Variants in RAB18 observed in about 807,000 individuals in gnomAD.
RAB18 encodes the protein RAB18, member RAS oncogene family.
A neutral mutation model predicts 28.5 loss-of-function variants in RAB18; 10 were observed. The observed-to-expected ratio is 0.35, with a 90% CI of 0.22 to 0.60. The LOEUF (loss-of-function observed/expected upper bound fraction) is 0.60. Among genes scored for constraint, RAB18 ranks in the 20% least tolerant of loss-of-function variants. RAB18 has a pLI of 0.78. For synonymous variants in RAB18, 93 were observed against 86.9 expected (o/e 1.07, Z -0.39); for missense variants, 188 against 244.2 (o/e 0.77, Z 1.53).
chr10:27,518,690 T>C (rs1300577874), intron 2 of RAB18, among the ~76,000 whole-genome samples: 5 of 152,104 alleles, frequency 3.3e-5, no homozygotes, highest in Non-Finnish European at 7.4e-5. Context: ...ATATATGCTT[T>C]GCAAATGTTT....
At position 27,540,357 on chromosome 10, in the gene RAB18, C is replaced by T. The variant is rs989794177; in HGVS notation, c.*2306C>T. 4 of 453,914 alleles carry T rather than the reference C, an allele frequency of 8.8e-6. No individual in the cohort carries two copies. Among genetic ancestry groups the T allele is most frequent in the Non-Finnish European group, 1.8e-5 (4 of 226,776 alleles). The allele number at this position is 453,914 out of a possible 1,614,324, so 28.1% of individuals were successfully genotyped here. On this transcript the variant is annotated 3_prime_UTR_variant, in exon 7 of 7. Coordinates refer to ENST00000356940, the MANE Select transcript of RAB18 (RefSeq NM_021252.5). Reference sequence around the variant, plus strand: ...GCTACTCAGTCACTGAGCTGGATTCCAGTCATGGCATTTTTACTTCTGAGC... The same window carrying T: ...GCTACTCAGTCACTGAGCTGGATTCTAGTCATGGCATTTTTACTTCTGAGC...
intron 1 of RAB18, chr10:27,504,733 C>T (rs1231705229): frequency 1.2e-5 from 8 of 643,964 alleles, no homozygotes; most frequent in Non-Finnish European, 8.9e-6. Context: ...AGGTTTGCTG[C>T]GCGGAGCTCA....
chr10:27,504,445 G>C lies in RAB18; in HGVS notation c.68+8G>C. 1 of 1,561,290 alleles carries C rather than the reference G, an allele frequency of 6.4e-7. No individual in the cohort carries two copies. Among genetic ancestry groups the C allele is most frequent in the Non-Finnish European group, 8.7e-7 (1 of 1,151,954 alleles). On this transcript the variant is annotated splice_region_variant and intron_variant, in intron 1 of 6. Transcript: ENST00000356940. ...TGGGGTGGGCAAGTCCAGGTGAGGC[G>C]GAGGTGCGGGTCGTGACGAGGGTGG... is the stretch of plus-strand genomic sequence containing the variant.
At chr10:27,527,416 G>T (rs1181333232) in intron 3 of RAB18, among the ~76,000 whole-genome samples, 2 of 151,820 alleles carry the variant, frequency 1.3e-5, no homozygotes, top group African/African-American at 2.4e-5. Flanking sequence ...TACTGTACTA[G>T]CTAGACCGCT....
chr10:27,511,209 T>C (rs1273147779), intron 2 of RAB18, among the ~76,000 whole-genome samples: 5 of 152,156 alleles, frequency 3.3e-5, no homozygotes, highest in Non-Finnish European at 5.9e-5. Context: ...AATTAATGAA[T>C]TAATTTATTT....
rs1013067334 is a variant in RAB18, at chr10:27,508,018, T to TA, written c.69-1839dup. Among the ~76,000 whole-genome samples the TA allele has an allele frequency of 7.7e-3, 1,041 of 135,856 alleles. 7 individuals are homozygous for TA. Among genetic ancestry groups the TA allele is most frequent in the African/African-American group, 0.017 (613 of 36,920 alleles). 89.1% of individuals were successfully genotyped at this position (135,856 alleles called of 152,430 possible). On this transcript the variant is annotated intron_variant, in intron 1 of 6. Coordinates refer to ENST00000356940, the MANE Select transcript of RAB18 (RefSeq NM_021252.5). ...GGTGACAGAGTGAGACCCTCTCTCT[T>TA]AAAAAAAAAAAAAAAAAAGTGTGCT...
rs377745201 is a variant in RAB18 at position 27,538,957 on chromosome 10, A to G, written c.*906A>G. ...GTATCTTACGGCTTCCATAATGGCT[A>G]GTTGATATTCAAAAACCTATTTCTG... On this transcript the variant is annotated 3_prime_UTR_variant, in exon 7 of 7. Coordinates refer to ENST00000356940, the MANE Select transcript of RAB18 (RefSeq NM_021252.5). 1.5e-4 allele frequency: 66 copies of G among 448,764 alleles called. No individual in the cohort carries two copies. In the East Asian group the frequency reaches 2.9e-3, roughly 20 times the overall value. 27.8% of individuals were successfully genotyped at this position (448,764 alleles called of 1,614,324 possible).
intron 2 of RAB18, among the ~76,000 whole-genome samples, chr10:27,517,201 A>G (rs1285853469): frequency 6.6e-6 from 1 of 152,054 alleles, no homozygotes; most frequent in Non-Finnish European, 1.5e-5. Context: ...TGTCTCTACT[A>G]AAAATACAAA....
chr10:27,517,006 A>G (rs533969210), intron 2 of RAB18, among the ~76,000 whole-genome samples: 2 of 152,328 alleles, frequency 1.3e-5, no homozygotes, highest in East Asian at 3.9e-4. Flanking sequence ...CAGCTATAAC[A>G]GTCATAAACA....
intron 3 of RAB18, chr10:27,531,701 A>G (rs1230330502): frequency 1.5e-6 from 1 of 688,696 alleles, no homozygotes; most frequent in African/African-American, 1.8e-5. Flanking sequence ...AATCTTAGGT[A>G]CCTTGAATCC....
Position 27,526,712 on chromosome 10 carries a change from TG to T in RAB18, c.125-112del, listed in dbSNP as rs1291932077. 8.8e-5 allele frequency: 105 copies of T among 1,195,662 alleles called. 1 individual carries two copies. Among genetic ancestry groups the T allele is most frequent in the Non-Finnish European group, 1.2e-4 (95 of 819,844 alleles). 74.1% of individuals were successfully genotyped at this position (1,195,662 alleles called of 1,614,324 possible). The stretch of plus-strand genomic sequence containing the variant: ...CTCCACATCCAGAATTCTAAGAAGT[TG>T]GGGTGTGAATTGGGCATTTGATAAT... On this transcript the variant is annotated intron_variant, in intron 2 of 6. Coordinates refer to ENST00000356940, the MANE Select transcript of RAB18 (RefSeq NM_021252.5).
intron 3 of RAB18, among the ~76,000 whole-genome samples, chr10:27,530,881 G>A (rs930503184): frequency 5.3e-5 from 8 of 151,630 alleles, no homozygotes; most frequent in Non-Finnish European, 7.4e-5. Context: ...TCCATATACC[G>A]TTTCATTAAT....
chr10:27,517,061 C>G (rs548893391), intron 2 of RAB18, among the ~76,000 whole-genome samples: 3 of 152,000 alleles, frequency 2.0e-5, no homozygotes, highest in Non-Finnish European at 4.4e-5. Flanking sequence ...CTTCAAAACA[C>G]AAGAAAAGAA....
rs764084774 is a variant in RAB18 at position 27,533,945 on chromosome 10, T to C, written c.396T>C (p.Asp132=). ...NKIDKENREV[D]RNEGLKFARK... ...TATTTTAGGAAAATCGTGAAGTCGA[T>C]AGAAATGAAGGCCTGAAATTTGCAC... Residue 132 remains aspartate (D), a synonymous_variant, in exon 6 of 7, where the codon GAT becomes GAC. Coordinates refer to ENST00000356940, the MANE Select transcript of RAB18 (RefSeq NM_021252.5). 1 of 1,610,482 alleles carries C rather than the reference T, an allele frequency of 6.2e-7. No homozygotes were observed. The highest frequency in any genetic ancestry group is 1.3e-5 in the African/African-American group (1 of 74,972).
At position 27,504,338 on chromosome 10, in the gene RAB18, G is replaced by T. The variant is rs1401166120; in HGVS notation, c.-32G>T. ...AAGGGCTGAGAGGCGCACCCGGGCG[G>T]CCAGCTGGGCTCGGAGCGGAACGGG... On this transcript the variant is annotated 5_prime_UTR_variant, in exon 1 of 7. Coordinates refer to ENST00000356940, the MANE Select transcript of RAB18 (RefSeq NM_021252.5). 6.4e-7 allele frequency: 1 copy of T among 1,562,252 alleles called. No homozygotes were observed. Among genetic ancestry groups the T allele is most frequent in the African/African-American group, 1.3e-5 (1 of 74,300 alleles).
intron 1 of RAB18, among the ~76,000 whole-genome samples, chr10:27,508,947 A>G (rs185591385): frequency 6.6e-6 from 1 of 152,206 alleles, no homozygotes; most frequent in African/African-American, 2.4e-5. Flanking sequence ...ATGAGGGAAG[A>G]TTGAATGACT....
intron 3 of RAB18, chr10:27,531,490 T>G (rs1564836165): frequency 1.3e-6 from 2 of 1,538,416 alleles, no homozygotes; most frequent in Non-Finnish European, 1.8e-6. Context: ...GTAGCTAAGT[T>G]GAGGTTTGAT....
In RAB18 at chr10:27,541,634, G is replaced by GTT. The variant is rs756806661; in HGVS notation, c.*3583_*3584insTT. ...CCGTTTCTCATGCAGGTTATTTCTTGCTTTTTTTTTTTTTCCTCTTTTTTA... is the reference window on the plus strand; with the variant it reads ...CCGTTTCTCATGCAGGTTATTTCTTGTTCTTTTTTTTTTTTTCCTCTTTTTTA... On this transcript the variant is annotated 3_prime_UTR_variant, in exon 7 of 7. Coordinates refer to ENST00000356940, the MANE Select transcript of RAB18 (RefSeq NM_021252.5). 3 of 418,270 alleles carry GTT rather than the reference G, an allele frequency of 7.2e-6. No individual in the cohort carries two copies. Among genetic ancestry groups the GTT allele is most frequent in the Admixed American group, 5.6e-5 (2 of 35,706 alleles). The allele number at this position is 418,270 out of a possible 1,614,324, so 25.9% of individuals were successfully genotyped here.
chr10:27,536,519 C>G (rs1589592202), intron 6 of RAB18, among the ~76,000 whole-genome samples: 1 of 152,138 alleles, frequency 6.6e-6, no homozygotes, highest in African/African-American at 2.4e-5. Context: ...GCCTAGGTGA[C>G]AGAGTGAGAC....
Sources: allele counts gnomAD v4.1 joint callset (sites outside exome capture counted in the v4.1 genomes callset), GRCh38; gene constraint gnomAD v4.1.1; transcripts MANE v1.5; gene names NCBI Gene and HGNC (gene_info 2026-07-23, HGNC 2026-07-21).